Variants in UBE3B observed in about 807,000 individuals in gnomAD.
The protein encoded by UBE3B is ubiquitin-protein ligase E3B.
Under a neutral mutation model 132.3 loss-of-function variants are expected in UBE3B, and 80 were observed. The observed-to-expected ratio is 0.60, with a 90% CI of 0.50 to 0.73. The LOEUF (loss-of-function observed/expected upper bound fraction) is 0.73. Ranked by LOEUF, UBE3B falls within the 30% of genes least tolerant of loss-of-function variation. The probability of loss-of-function intolerance (pLI) is 0.00; values close to 1 mark genes in which losing one functional copy is unlikely to be tolerated. For synonymous variants in UBE3B, 487 were observed against 520.4 expected (o/e 0.94, Z 0.87); for missense variants, 1,196 against 1,362.5 (o/e 0.88, Z 1.92).
intron 6 of UBE3B, among the ~76,000 whole-genome samples, chr12:109,486,921 C>T (rs969183157): frequency 3.3e-5 from 5 of 152,164 alleles, no homozygotes; most frequent in East Asian, 1.9e-4. Flanking sequence ...GCTAGTATCA[C>T]GTACCAGTTA....
At chr12:109,481,374 C>T (rs768597417) in intron 1 of UBE3B, among the ~76,000 whole-genome samples, 5 of 151,922 alleles carry the variant, frequency 3.3e-5, no homozygotes, top group Non-Finnish European at 7.4e-5. Context: ...CATTCCATGA[C>T]CTCTAAGTTA....
chr12:109,516,036 AG>A (rs1382606896), intron 18 of UBE3B, among the ~76,000 whole-genome samples: 1 of 152,168 alleles, frequency 6.6e-6, no homozygotes, highest in Non-Finnish European at 1.5e-5. Context: ...TTTTGTTCTT[AG>A]GATTCATAAT....
Position 109,521,502 on chromosome 12 carries a change from TG to T in UBE3B, c.2316del (p.Gln773SerfsTer29). On this transcript the variant is annotated frameshift_variant, in exon 21 of 28. Transcript: ENST00000342494. LOFTEE classifies it high-confidence loss of function. The surrounding 1 kb of genome is among the most constrained non-coding windows in gnomAD (Gnocchi z 4.2). ...ACATCCTACATCCATGAGAATTACC[TG>T]CAGCTCTTCGAGTTTGTGGGGAAGA... is the stretch of plus-strand genomic sequence containing the variant. ...SPTSYIHENY[L>X]QLFEFVGKML... 2 of 1,602,010 alleles carry T rather than the reference TG, an allele frequency of 1.2e-6. No homozygotes were observed. Among genetic ancestry groups the T allele is most frequent in the Non-Finnish European group, 1.7e-6 (2 of 1,171,724 alleles).
intron 18 of UBE3B, among the ~76,000 whole-genome samples, chr12:109,515,009 G>T (rs544003079): frequency 1.4e-3 from 206 of 151,924 alleles, no homozygotes; most frequent in African/African-American, 4.9e-3. Context: ...CACCTACCGG[G>T]TTCACGCCAT....
downstream of UBE3B, among the ~76,000 whole-genome samples, chr12:109,541,283 G>A (rs1008786952): frequency 9.2e-5 from 14 of 152,188 alleles, no homozygotes; most frequent in African/African-American, 2.9e-4. Flanking sequence ...GACCCAGGCC[G>A]GTGACGGGCA....
intron 27 of UBE3B, 112 bp downstream of exon 27, chr12:109,533,670 T>A: frequency 8.8e-7 from 1 of 1,131,612 alleles, no homozygotes; most frequent in Non-Finnish European, 1.3e-6. Context: ...GGCAGGCAGC[T>A]GGACCCCTCA....
chr12:109,480,945 C>T (rs1875282127), intron 1 of UBE3B, among the ~76,000 whole-genome samples: 1 of 151,886 alleles, frequency 6.6e-6, no homozygotes, highest in Non-Finnish European at 1.5e-5. Context: ...CACAGGCAGC[C>T]CTTTATTCAC....
chr12:109,540,416 G>A (rs1411061438), downstream of UBE3B, among the ~76,000 whole-genome samples: 1 of 152,132 alleles, frequency 6.6e-6, no homozygotes, highest in Admixed American at 6.5e-5. Flanking sequence ...TTGCCATATT[G>A]CCCACGCTGG....
At chr12:109,519,969 C>G (rs971381422) in intron 19 of UBE3B, 3 of 152,236 alleles carry the variant, frequency 2.0e-5, no homozygotes, top group Non-Finnish European at 4.4e-5. Flanking sequence ...AAACAGGTCT[C>G]GCCACACTGG....
chr12:109,490,014 T>C lies in UBE3B; in HGVS notation c.630+10T>C. The C allele has an allele frequency of 1.2e-6, 2 of 1,613,314 alleles. No homozygotes were observed. The highest frequency in any genetic ancestry group is 2.2e-5 in the South Asian group (2 of 91,070). On this transcript the variant is annotated intron_variant, in intron 8 of 27. Coordinates refer to ENST00000342494, the MANE Select transcript of UBE3B (RefSeq NM_130466.4). Reference sequence around the variant, plus strand: ...TTATTCTGTGCTGCAGGTCTGTGACTCCTGCCCCCCAGTGTGCAACTTCTC... The same window carrying C: ...TTATTCTGTGCTGCAGGTCTGTGACCCCTGCCCCCCAGTGTGCAACTTCTC...
At chr12:109,509,429 T>C (rs61941634) in intron 15 of UBE3B, 167 bp from the exon 16 acceptor site, 5,351 of 510,486 alleles carry the variant, frequency 0.01, 119 homozygotes, top group Admixed American at 0.063. Flanking sequence ...CCTTTCCCCC[T>C]ACCCCTGATG....
Position 109,486,082 on chromosome 12 carries a change from G to A in UBE3B, c.342+11G>A, listed in dbSNP as rs565295701. ...GAGAATGAGCCTAAGGTAAGTGGAC[G>A]GGAGCCGCAGTGTCTCCCACAAGCT... On this transcript the variant is annotated intron_variant, in intron 5 of 27. Transcript: ENST00000342494. The A allele has an allele frequency of 1.3e-5, 20 of 1,556,898 alleles. No homozygotes were observed. In the African/African-American group the frequency reaches 1.5e-4, roughly 12 times the overall value.
intron 27 of UBE3B, 98 bp downstream of exon 27, chr12:109,533,656 G>T (rs1327478155): frequency 8.3e-6 from 10 of 1,210,054 alleles, no homozygotes; most frequent in Non-Finnish European, 1.2e-5. Context: ...CCATATCTCA[G>T]CAAGGCAGGC....
rs1475521028 is a variant in UBE3B, at chr12:109,483,972, G to C, written c.273G>C (p.Glu91Asp). 1 of 1,611,182 alleles carries C rather than the reference G, an allele frequency of 6.2e-7. No homozygotes were observed. The highest frequency in any genetic ancestry group is 1.7e-5 in the Admixed American group (1 of 59,552). Reference protein sequence around the residue: ...RKLLFLFRIKEDNERFEKLCR... With the variant: ...RKLLFLFRIKDDNERFEKLCR... ...TGCTGTTCCTATTCAGAATCAAAGA[G>C]GATAATGAGGTAAAACGATAATAGC... The change falls in exon 4 of 28, where the codon GAG becomes GAC. Residue 91 changes from glutamate to aspartate, a missense_variant. Coordinates refer to ENST00000342494, the MANE Select transcript of UBE3B (RefSeq NM_130466.4).
intron 9 of UBE3B, among the ~76,000 whole-genome samples, chr12:109,493,866 T>A (rs932831917): frequency 2.0e-5 from 3 of 152,188 alleles, no homozygotes; most frequent in African/African-American, 7.2e-5. Flanking sequence ...TGCTTTGCCA[T>A]CAAGGGTGGA....
intron 22 of UBE3B, 125 bp downstream of exon 22, chr12:109,524,240 A>G: frequency 7.0e-7 from 1 of 1,435,374 alleles, no homozygotes; most frequent in Admixed American, 2.0e-5. Context: ...GGCCCCTCAC[A>G]TCCCCCTGTG....
intron 12 of UBE3B, 53 bp from the exon 13 acceptor site, chr12:109,501,318 T>A: frequency 6.2e-7 from 1 of 1,608,348 alleles, no homozygotes; most frequent in Non-Finnish European, 8.5e-7. Context: ...GGGCTGGCCC[T>A]GGCCCTGCAT....
rs1287292615 is a variant in UBE3B at position 109,489,954 on chromosome 12, G to A, written c.580G>A (p.Ala194Thr). ...TCGACCAGCGATGAACCACATTTGT[G>A]CAAATATAATGGGACATCTCAACCA... Reference protein sequence around the residue: ...SLRPAMNHICANIMGHLNQHG... With the variant: ...SLRPAMNHICTNIMGHLNQHG... The change falls in exon 8 of 28, where the codon GCA becomes ACA. Residue 194 changes from alanine to threonine, a missense_variant. Coordinates refer to ENST00000342494, the MANE Select transcript of UBE3B (RefSeq NM_130466.4). 9 of 1,614,072 alleles carry A rather than the reference G, an allele frequency of 5.6e-6. No individual in the cohort carries two copies. Among genetic ancestry groups the A allele is most frequent in the African/African-American group, 1.3e-5 (1 of 74,928 alleles).
At chr12:109,495,687 A>G (rs1878104994) in intron 9 of UBE3B, among the ~76,000 whole-genome samples, 1 of 152,246 alleles carries the variant, frequency 6.6e-6, no homozygotes, top group Non-Finnish European at 1.5e-5. Flanking sequence ...GATTAACTAA[A>G]AGTATTCCTT....
Sources: gnomAD v4.1 joint callset for allele counts (sites outside exome capture counted in the v4.1 genomes callset) on GRCh38, gnomAD v4.1.1 for gene constraint, Gnocchi (gnomAD v3.1) non-coding constraint, MANE v1.5 for transcripts, NCBI Gene and HGNC (gene_info 2026-07-23, HGNC 2026-07-21) for gene names.